The following LPIN1 variants were observed in gnomAD, a reference collection of about 807,000 sequenced individuals.
LPIN1 encodes the protein lipin 1, also known as phosphatidate phosphatase LPIN1.
A neutral mutation model predicts 107.5 loss-of-function variants in LPIN1; 71 were observed. That is an observed-to-expected ratio of 0.66 (90% CI 0.55 to 0.80). LPIN1 has a LOEUF of 0.80. Among genes scored for constraint, LPIN1 ranks in the 30% least tolerant of loss-of-function variants. The pLI, the probability that LPIN1 is intolerant of heterozygous loss-of-function variation, is 0.00. For synonymous variants in LPIN1, 445 were observed against 452.6 expected, an observed-to-expected ratio of 0.98 and a Z score of 0.21; for missense variants, 1,043 against 1,160.6, an observed-to-expected ratio of 0.90 and a Z score of 1.47.
intron 13 of LPIN1, among the ~76,000 whole-genome samples, chr2:11,792,712 AC>A (rs2148676513): frequency 6.6e-6 from 1 of 152,312 alleles, no homozygotes; most frequent in Admixed American, 6.5e-5. Context: ...AGGCATACTC[AC>A]AGCAGTTGAC....
chr2:11,761,385 T>C (rs569434965), intron 1 of LPIN1, among the ~76,000 whole-genome samples: 1 of 152,328 alleles, frequency 6.6e-6, no homozygotes, highest in South Asian at 2.1e-4. Flanking sequence ...TGTGATGTAT[T>C]AGCAGGACAG....
chr2:11,816,412 AG>A (rs1418682448), intron 18 of LPIN1: 1 of 152,236 alleles, frequency 6.6e-6, no homozygotes, highest in African/African-American at 2.4e-5. Flanking sequence ...TGTGTTAAGT[AG>A]TAAGGCTTTG....
intron 1 of LPIN1, among the ~76,000 whole-genome samples, chr2:11,750,233 C>T (rs1424168847): frequency 1.3e-5 from 2 of 152,204 alleles, no homozygotes; most frequent in Non-Finnish European, 2.9e-5. Flanking sequence ...AGACAGGAGA[C>T]AAGCAACAAG....
intron 2 of LPIN1, among the ~76,000 whole-genome samples, chr2:11,715,345 G>C (rs77950605): frequency 0.036 from 5,515 of 152,288 alleles, 221 homozygotes; most frequent in African/African-American, 0.097. Context: ...ACCCTGCACA[G>C]AGCTGGGCTC....
At chr2:11,721,298 G>GTT (rs1664126699), upstream of LPIN1, among the ~76,000 whole-genome samples, 1 of 151,626 alleles carries the variant, frequency 6.6e-6, no homozygotes, top group African/African-American at 2.4e-5. Flanking sequence ...GTGTGTGTGT[G>GTT]TGTGTGTGTG....
intron 1 of LPIN1, chr2:11,763,254 C>T (rs531949224): frequency 2.2e-4 from 34 of 152,760 alleles, no homozygotes; most frequent in Admixed American, 1.3e-3. Context: ...CTGGAGGACT[C>T]CCGCCTGCCA....
At chr2:11,767,153 T>C (rs141432122) in intron 2 of LPIN1, among the ~76,000 whole-genome samples, 13 of 152,322 alleles carry the variant, frequency 8.5e-5, no homozygotes, top group African/African-American at 3.1e-4. Flanking sequence ...CAAATAGACA[T>C]TTCATGCCCC....
rs1421383057 is a variant in LPIN1 at position 11,774,257 on chromosome 2, C to T, written c.722+512C>T. On this transcript the variant is annotated intron_variant, in intron 5 of 20. Transcript: ENST00000674199. The surrounding 1 kb of genome is among the most constrained non-coding windows in gnomAD (Gnocchi z 4.4). ...GAGCTGCTCACTGTGCAGATGCCAT[C>T]CTGATGACCCCAGAGATGTTTACAT... 8.5e-5 allele frequency among the ~76,000 whole-genome samples: 13 copies of T among 152,312 alleles called. No individual in the cohort carries two copies. Among genetic ancestry groups the T allele is most frequent in the Non-Finnish European group, 1.8e-4 (12 of 68,032 alleles).
Position 11,786,456 on chromosome 2 carries a change from G to C in LPIN1, c.1550-618G>C, listed in dbSNP as rs1275091794. ...CAAAGAACTGAGGGTCCGGGGCTGA[G>C]GTCTGGGCCTCCTGACCCTGCCACC... On this transcript the variant is annotated intron_variant, in intron 10 of 20. Coordinates refer to ENST00000674199, the MANE Select transcript of LPIN1 (RefSeq NM_001349206.2). The surrounding 1 kb of genome is among the most constrained non-coding windows in gnomAD (Gnocchi z 4.1). 6.6e-6 allele frequency among the ~76,000 whole-genome samples: 1 copy of C among 152,106 alleles called. No individual in the cohort carries two copies. Among genetic ancestry groups the C allele is most frequent in the African/African-American group, 2.4e-5 (1 of 41,410 alleles).
chr2:11,754,338 C>T (rs181688401), intron 1 of LPIN1, among the ~76,000 whole-genome samples: 18 of 152,284 alleles, frequency 1.2e-4, no homozygotes, highest in Admixed American at 2.0e-4. Flanking sequence ...TGTGACAGAT[C>T]GTGTTTGCTC....
intron 13 of LPIN1, 132 bp downstream of exon 13, chr2:11,792,138 C>A: frequency 1.3e-6 from 1 of 795,574 alleles, no homozygotes; most frequent in Non-Finnish European, 2.1e-6. Flanking sequence ...GCCAGCTCTG[C>A]CATGAAGTAG....
At position 11,788,412 on chromosome 2, in the gene LPIN1, C is replaced by T; in HGVS notation, c.1669C>T (p.Pro557Ser). The T allele has an allele frequency of 1.2e-6, 2 of 1,613,940 alleles. No homozygotes were observed. Among genetic ancestry groups the T allele is most frequent in the Non-Finnish European group, 8.5e-7 (1 of 1,179,822 alleles). The change falls in exon 12 of 21, where the codon CCC (proline) becomes TCC (serine). Residue 557 changes from proline to serine, a missense_variant. Transcript: ENST00000674199. Reference protein sequence around the residue: ...SKYYNWTTAAPLLLAMQAFQK... With the variant: ...SKYYNWTTAASLLLAMQAFQK... ...ATATTATAACTGGACAACAGCAGCA[C>T]CCCTCCTCCTGGCAATGCAGGCCTT... is the stretch of plus-strand genomic sequence containing the variant.
rs116419663 is a variant in LPIN1 at position 11,727,618 on chromosome 2, C to T, written c.-72+3079C>T. Among the ~76,000 whole-genome samples, 436 of 152,268 alleles carry T rather than the reference C, an allele frequency of 2.9e-3. 1 individual carries two copies. Among genetic ancestry groups the T allele is most frequent in the Middle Eastern group, 0.01 (3 of 294 alleles). On this transcript the variant is annotated intron_variant, in intron 1 of 21. Coordinates refer to the LPIN1 transcript ENST00000396097. ...TAGGAACCATGAATACACACATGCA[C>T]CTCTACTTTATCCATACATCCGTCT...
At chr2:11,799,359 A>G (rs772593762) in intron 14 of LPIN1, among the ~76,000 whole-genome samples, 1 of 151,582 alleles carries the variant, frequency 6.6e-6, no homozygotes, top group Non-Finnish European at 1.5e-5. Flanking sequence ...TTTGCTTCAC[A>G]TTTGGATCTC....
upstream of LPIN1, among the ~76,000 whole-genome samples, chr2:11,743,913 T>C (rs1231792255): frequency 6.6e-6 from 1 of 152,224 alleles, no homozygotes; most frequent in African/African-American, 2.4e-5. This position sits in a 1 kb window ranked among gnomAD's most constrained non-coding sequence, Gnocchi z 4.7. Flanking sequence ...TGTCACCAGC[T>C]GGGCTCAGCA....
At chr2:11,690,233 TG>T (rs1302426734) in intron 1 of LPIN1, among the ~76,000 whole-genome samples, 2 of 152,254 alleles carry the variant, frequency 1.3e-5, no homozygotes, top group African/African-American at 2.4e-5. Flanking sequence ...GGACTGTCTA[TG>T]GAAGACAAAT....
intron 17 of LPIN1, among the ~76,000 whole-genome samples, chr2:11,808,984 GA>G (rs1383546827): frequency 6.6e-6 from 1 of 152,046 alleles, no homozygotes; most frequent in Non-Finnish European, 1.5e-5. Flanking sequence ...TGAATTTAAT[GA>G]CTTGTTTGGA....
chr2:11,700,661 C>A (rs1387610915), intron 1 of LPIN1, among the ~76,000 whole-genome samples: 1 of 152,162 alleles, frequency 6.6e-6, no homozygotes, highest in Non-Finnish European at 1.5e-5. Flanking sequence ...TTGGCCACTT[C>A]CACAGTGTGT....
At chr2:11,784,403 G>A in intron 9 of LPIN1, 1 of 1,116,616 alleles carries the variant, frequency 9.0e-7, no homozygotes, top group Non-Finnish European at 1.1e-6. Context: ...TGCGGGTACT[G>A]GGCGGCGCCC....
Sources: allele counts gnomAD v4.1 joint callset (sites outside exome capture counted in the v4.1 genomes callset), GRCh38; gene constraint gnomAD v4.1.1; non-coding constraint Gnocchi (gnomAD v3.1); transcripts MANE v1.5; gene names NCBI Gene and HGNC (gene_info 2026-07-23, HGNC 2026-07-21).